The following OR6C2 variants were observed in gnomAD, a reference collection of about 807,000 sequenced individuals.
OR6C2 encodes the protein olfactory receptor 6C2.
For synonymous variants in OR6C2, 146 were observed against 134.2 expected (o/e 1.09, Z -0.61); for missense variants, 435 against 365.8 (o/e 1.19, Z -1.54).
intron 1 of OR6C2, among the ~76,000 whole-genome samples, chr12:55,448,203 G>A (rs1871398045): frequency 6.6e-6 from 1 of 151,414 alleles, no homozygotes; most frequent in Admixed American, 6.6e-5. Flanking sequence ...TCTTTTTTAT[G>A]CTATTGAATT....
rs1871515090 is a variant in OR6C2 at position 55,452,885 on chromosome 12, G to C, written c.672G>C (p.Leu224=). 19 of 1,613,768 alleles carry C rather than the reference G, an allele frequency of 1.2e-5. No homozygotes were observed. In the East Asian group the frequency reaches 4.2e-4, roughly 36 times the overall value. Residue 224 remains leucine (L), a synonymous_variant, in exon 2 of 2, where the codon CTG becomes CTC. Transcript: ENST00000641202. ...ACTTGTACATAGTCAGAACAATTCT[G>C]AAGTTCCCTTCTGTTCAGCAAAGGA... ...LSYLYIVRTI[L]KFPSVQQRKK...
intron 1 of OR6C2, among the ~76,000 whole-genome samples, chr12:55,446,672 G>A (rs1871368132): frequency 6.6e-6 from 1 of 152,146 alleles, no homozygotes; most frequent in Non-Finnish European, 1.5e-5. Context: ...CAGGCAAAAA[G>A]AGGTTGGGAA....
chr12:55,447,473 G>A (rs927439203), intron 1 of OR6C2, among the ~76,000 whole-genome samples: 1 of 151,850 alleles, frequency 6.6e-6, no homozygotes, highest in Non-Finnish European at 1.5e-5. Context: ...TATAACTATT[G>A]AACAACAACT....
intron 1 of OR6C2, among the ~76,000 whole-genome samples, chr12:55,445,250 A>G (rs1163199971): frequency 2.6e-5 from 4 of 152,172 alleles, no homozygotes; most frequent in Non-Finnish European, 5.9e-5. Flanking sequence ...ACAGATTTGT[A>G]TTAGGCTTTC....
Position 55,452,811 on chromosome 12 carries a change from A to G in OR6C2, c.598A>G (p.Met200Val), listed in dbSNP as rs368506362. Residue 200 changes from methionine to valine, a missense_variant, in exon 2 of 2, where the codon ATG becomes GTG. Physicochemically the swap from Met to Val is conservative, Grantham distance 21 (BLOSUM62 1). Coordinates refer to ENST00000641202, the MANE Select transcript of OR6C2 (RefSeq NM_054105.2). ...GGTAATAGAACAGATGGTTATACTT[A>G]TGGCTGTATTTGCACTCATTATCAC... ...TWVIEQMVIL[M>V]AVFALIITLV... is the part of the protein sequence containing the mutation. 93 of 1,613,612 alleles carry G rather than the reference A, an allele frequency of 5.8e-5. No individual in the cohort carries two copies. The highest frequency in any genetic ancestry group is 7.9e-5 in the Non-Finnish European group (93 of 1,179,774).
rs141026850 is a variant in OR6C2, at chr12:55,452,808, C to T, written c.595C>T (p.Leu199Phe). Residue 199 changes from leucine (L) to phenylalanine (F), a missense_variant, in exon 2 of 2, where the codon CTT (leucine) becomes TTT (phenylalanine). Transcript: ENST00000641202. ...ATGGGTAATAGAACAGATGGTTATA[C>T]TTATGGCTGTATTTGCACTCATTAT... is the stretch of plus-strand genomic sequence containing the variant. ...DTWVIEQMVI[L>F]MAVFALIITL... 17 of 1,613,624 alleles carry T rather than the reference C, an allele frequency of 1.1e-5. No individual in the cohort carries two copies. The African/African-American group carries it at 1.6e-4, about 15-fold the overall frequency.
In OR6C2 at chr12:55,452,306, C is replaced by T; in HGVS notation, c.93C>T (p.Leu31=). Residue 31 remains leucine, a synonymous_variant, in exon 2 of 2, where the codon CTC becomes CTT. Transcript: ENST00000641202. ...LQVLLFIFLF[L]TYMLSVTGNL... Reference sequence around the variant, plus strand: ...TTCTGCTTTTTATCTTTCTATTTCTCACCTACATGTTGAGTGTAACAGGGA... The same window carrying T: ...TTCTGCTTTTTATCTTTCTATTTCTTACCTACATGTTGAGTGTAACAGGGA... 2 of 1,613,406 alleles carry T rather than the reference C, an allele frequency of 1.2e-6. No homozygotes were observed. The highest frequency in any genetic ancestry group is 1.7e-6 in the Non-Finnish European group (2 of 1,179,538).
chr12:55,452,533 C>G lies in OR6C2; in HGVS notation c.320C>G (p.Ala107Gly). 1 of 1,613,828 alleles carries G rather than the reference C, an allele frequency of 6.2e-7. No individual in the cohort carries two copies. The highest frequency in any genetic ancestry group is 8.5e-7 in the Non-Finnish European group (1 of 1,179,824). The change falls in exon 2 of 2, where the codon GCA (alanine) becomes GGA (glycine). Residue 107 changes from alanine to glycine, a missense_variant. Coordinates refer to ENST00000641202, the MANE Select transcript of OR6C2 (RefSeq NM_054105.2). Reference protein sequence around the residue: ...SQIFFVILFGATEFFLLAAMS... With the variant: ...SQIFFVILFGGTEFFLLAAMS... ...ATATTCTTTGTTATTCTCTTTGGAG[C>G]AACAGAATTTTTTCTCTTGGCAGCC...
Position 55,452,304 on chromosome 12 carries a change from C to T in OR6C2, c.91C>T (p.Leu31Phe). The T allele has an allele frequency of 1.2e-6, 2 of 1,613,412 alleles. No homozygotes were observed. Among genetic ancestry groups the T allele is most frequent in the African/African-American group, 2.7e-5 (2 of 75,022 alleles). Residue 31 changes from leucine (L) to phenylalanine (F), a missense_variant, in exon 2 of 2, where the codon CTC (leucine) becomes TTC (phenylalanine). By Grantham distance (22) the Leu-to-Phe change is conservative. Coordinates refer to ENST00000641202, the MANE Select transcript of OR6C2 (RefSeq NM_054105.2). ...AGTTCTGCTTTTTATCTTTCTATTT[C>T]TCACCTACATGTTGAGTGTAACAGG... ...LQVLLFIFLF[L>F]TYMLSVTGNL...
chr12:55,452,276 G>C lies in OR6C2; in HGVS notation c.63G>C (p.Leu21=). The C allele has an allele frequency of 3.1e-6, 5 of 1,612,672 alleles. No homozygotes were observed. The highest frequency in any genetic ancestry group is 4.2e-6 in the Non-Finnish European group (5 of 1,179,254). ...TGGGACTGACAGGTGACCCACACCT[G>C]CAAGTTCTGCTTTTTATCTTTCTAT... ...ILLGLTGDPH[L]QVLLFIFLFL... Residue 21 remains leucine, a synonymous_variant, in exon 2 of 2, where the codon CTG becomes CTC. Transcript: ENST00000641202.
rs1184968920 is a variant in OR6C2 at position 55,451,502 on chromosome 12, G to T, written c.-712G>T. On this transcript the variant is annotated 5_prime_UTR_variant, in exon 2 of 2. Transcript: ENST00000641202. Reference sequence around the variant, plus strand: ...TGTTAAATGTAGATTTGCTTCTGGAGCTTGAAAGGAAAGGAATCACAACTG... The same window carrying T: ...TGTTAAATGTAGATTTGCTTCTGGATCTTGAAAGGAAAGGAATCACAACTG... 6.6e-6 allele frequency: 1 copy of T among 152,050 alleles called. No homozygotes were observed. The highest frequency in any genetic ancestry group is 1.5e-5 in the Non-Finnish European group (1 of 67,974). 9.4% of individuals were successfully genotyped at this position (152,050 alleles called of 1,614,324 possible).
intron 1 of OR6C2, among the ~76,000 whole-genome samples, chr12:55,449,731 A>G (rs772716739): frequency 4.0e-5 from 6 of 151,830 alleles, no homozygotes; most frequent in Non-Finnish European, 7.4e-5. Context: ...AAGGAAAAAA[A>G]AATTCTAAGT....
Position 55,452,252 on chromosome 12 carries a change from G to C in OR6C2, c.39G>C (p.Leu13=). Residue 13 remains leucine (L), a synonymous_variant, in exon 2 of 2, where the codon CTG becomes CTC. Transcript: ENST00000641202. ...NHTVIRTFIL[L]GLTGDPHLQV... Reference sequence around the variant, plus strand: ...CAGTAATAAGAACTTTTATCCTGCTGGGACTGACAGGTGACCCACACCTGC... The same window carrying C: ...CAGTAATAAGAACTTTTATCCTGCTCGGACTGACAGGTGACCCACACCTGC... 6.2e-7 allele frequency: 1 copy of C among 1,608,438 alleles called. No individual in the cohort carries two copies. Among genetic ancestry groups the C allele is most frequent in the Non-Finnish European group, 8.5e-7 (1 of 1,177,186 alleles).
chr12:55,452,557 C>T lies in OR6C2; in HGVS notation c.344C>T (p.Ala115Val). The T allele has an allele frequency of 6.2e-7, 1 of 1,613,832 alleles. No homozygotes were observed. Among genetic ancestry groups the T allele is most frequent in the Non-Finnish European group, 8.5e-7 (1 of 1,179,818 alleles). Reference sequence around the variant, plus strand: ...GCAACAGAATTTTTTCTCTTGGCAGCCATGTCCTATGACCGCTATGTGGCC... The same window carrying T: ...GCAACAGAATTTTTTCTCTTGGCAGTCATGTCCTATGACCGCTATGTGGCC... Reference protein sequence around the residue: ...FGATEFFLLAAMSYDRYVAIC... With the variant: ...FGATEFFLLAVMSYDRYVAIC... Residue 115 changes from alanine (A) to valine (V), a missense_variant, in exon 2 of 2, where the codon GCC (alanine) becomes GTC (valine). By Grantham distance (64) the Ala-to-Val change is moderately conservative. Transcript: ENST00000641202.
chr12:55,450,424 G>A (rs1404710046), intron 1 of OR6C2, among the ~76,000 whole-genome samples: 2 of 152,132 alleles, frequency 1.3e-5, no homozygotes, highest in African/African-American at 2.4e-5. Flanking sequence ...TAAGTGATGA[G>A]ATGGGAAAAT....
intron 1 of OR6C2, among the ~76,000 whole-genome samples, chr12:55,444,383 CA>C (rs1320244467): frequency 6.6e-6 from 1 of 152,080 alleles, no homozygotes; most frequent in African/African-American, 2.4e-5. Context: ...AGTTTGTGGT[CA>C]CCCATAAAAT....
At position 55,452,688 on chromosome 12, in the gene OR6C2, A is replaced by G. The variant is rs770557853; in HGVS notation, c.475A>G (p.Ser159Gly). 6.2e-7 allele frequency: 1 copy of G among 1,613,796 alleles called. No homozygotes were observed. Among genetic ancestry groups the G allele is most frequent in the Non-Finnish European group, 8.5e-7 (1 of 1,179,840 alleles). The change falls in exon 2 of 2, where the codon AGC becomes GGC. Residue 159 changes from serine to glycine, a missense_variant. Coordinates refer to ENST00000641202, the MANE Select transcript of OR6C2 (RefSeq NM_054105.2). ...AGLMIIVPPL[S>G]LGLQLEFCDS... Reference sequence around the variant, plus strand: ...CTTGATGATCATTGTTCCACCACTTAGCTTAGGCCTCCAGCTCGAATTCTG... The same window carrying G: ...CTTGATGATCATTGTTCCACCACTTGGCTTAGGCCTCCAGCTCGAATTCTG...
intron 1 of OR6C2, among the ~76,000 whole-genome samples, chr12:55,447,323 GTTTT>G (rs57564362): frequency 6.9e-6 from 1 of 144,500 alleles, no homozygotes; most frequent in Non-Finnish European, 1.5e-5. Context: ...TAGTTTTTGG[GTTTT>G]TTTTTTTTTA....
chr12:55,445,813 G>A (rs1051643645), intron 1 of OR6C2, among the ~76,000 whole-genome samples: 1 of 152,168 alleles, frequency 6.6e-6, no homozygotes, highest in Non-Finnish European at 1.5e-5. Context: ...ATGATGTCAA[G>A]GGCGGGCAAC....
Sources: allele counts gnomAD v4.1 joint callset (sites outside exome capture counted in the v4.1 genomes callset), GRCh38; gene constraint gnomAD v4.1.1; transcripts MANE v1.5; gene names NCBI Gene and HGNC (gene_info 2026-07-23, HGNC 2026-07-21).